Variants in GRM7 observed in about 807,000 individuals in gnomAD.
The protein encoded by GRM7 is metabotropic glutamate receptor 7.
Under a neutral mutation model 84.5 loss-of-function variants are expected in GRM7, and 35 were observed. The observed-to-expected ratio is 0.41, with a 90% CI of 0.32 to 0.55. The LOEUF is 0.55. GRM7 is among the 20% of genes least tolerant of loss of function. GRM7 has a pLI of 0.19. For missense variants in GRM7, 1,003 were observed against 1,194.6 expected (o/e 0.84, Z 2.36); for synonymous variants, 487 against 455.1 (o/e 1.07, Z -0.89).
chr3:7,599,682 G>A (rs577887652), intron 8 of GRM7, among the ~76,000 whole-genome samples: 2 of 152,118 alleles, frequency 1.3e-5, no homozygotes, highest in East Asian at 3.9e-4. Flanking sequence ...TATTACGGAG[G>A]GGGGATTGTC....
intron 1 of GRM7, among the ~76,000 whole-genome samples, chr3:7,039,025 T>C (rs975630665): frequency 6.6e-6 from 1 of 152,168 alleles, no homozygotes; most frequent in Admixed American, 6.5e-5. Context: ...TGGAACCCTA[T>C]GGTTCAATAA....
At chr3:7,163,717 T>G (rs892203979) in intron 2 of GRM7, among the ~76,000 whole-genome samples, 9 of 152,190 alleles carry the variant, frequency 5.9e-5, no homozygotes, top group Non-Finnish European at 1.0e-4. Flanking sequence ...CTGAACTATG[T>G]GAAGAACTGG....
intron 2 of GRM7, among the ~76,000 whole-genome samples, chr3:7,159,265 A>T (rs1694548452): frequency 6.6e-6 from 1 of 152,218 alleles, no homozygotes; most frequent in African/African-American, 2.4e-5. Flanking sequence ...AACGTGAAAT[A>T]CAATAAAACA....
At chr3:7,430,687 T>C (rs768565011) in intron 5 of GRM7, among the ~76,000 whole-genome samples, 1 of 152,144 alleles carries the variant, frequency 6.6e-6, no homozygotes, top group African/African-American at 2.4e-5. Flanking sequence ...AATAGCCCAG[T>C]TGGGGGGACA....
At chr3:7,394,685 A>C (rs1221370996) in intron 4 of GRM7, among the ~76,000 whole-genome samples, 1 of 151,988 alleles carries the variant, frequency 6.6e-6, no homozygotes, top group Non-Finnish European at 1.5e-5. Flanking sequence ...ATTTTTCAGC[A>C]ACTTCGTATT....
In GRM7 at chr3:7,448,978, G is replaced by A. The variant is rs923402340; in HGVS notation, c.1175-3629G>A. 1.1e-3 allele frequency among the ~76,000 whole-genome samples: 170 copies of A among 151,678 alleles called. 1 individual carries two copies. Among genetic ancestry groups the A allele is most frequent in the Admixed American group, 3.1e-3 (47 of 15,232 alleles). ...CTTTTCTAAGTTCTATAAAAAATAA[G>A]AGAAATTTATAAAGTAGCAGGTTAT... On this transcript the variant is annotated intron_variant, in intron 5 of 9. Transcript: ENST00000357716.
intron 2 of GRM7, among the ~76,000 whole-genome samples, chr3:7,294,539 C>G (rs1699748050): frequency 6.8e-6 from 1 of 147,746 alleles, no homozygotes; most frequent in Non-Finnish European, 1.5e-5. Context: ...TTCCTTTTCT[C>G]TATGCCACCT....
chr3:7,197,356 C>A (rs748578268), intron 2 of GRM7, among the ~76,000 whole-genome samples: 2 of 152,182 alleles, frequency 1.3e-5, no homozygotes, highest in Admixed American at 1.3e-4. Flanking sequence ...TTAAAGACAT[C>A]TTTTATCCTC....
chr3:7,689,054 G>C (rs1004282031), intron 9 of GRM7, among the ~76,000 whole-genome samples: 3 of 152,150 alleles, frequency 2.0e-5, no homozygotes, highest in Non-Finnish European at 4.4e-5. Context: ...AATGCAATTA[G>C]GTACAAAATA....
At chr3:7,594,207 T>C (rs1167572532) in intron 8 of GRM7, among the ~76,000 whole-genome samples, 8 of 152,176 alleles carry the variant, frequency 5.3e-5, no homozygotes, top group Non-Finnish European at 1.2e-4. Context: ...ATTAGCCTCC[T>C]AGGCTTTTTA....
chr3:7,285,713 G>T (rs559189158), intron 2 of GRM7, among the ~76,000 whole-genome samples: 2 of 152,090 alleles, frequency 1.3e-5, no homozygotes, highest in Admixed American at 1.3e-4. Context: ...CCTCTTGGTG[G>T]CACTGTGATG....
chr3:6,883,615 A>C (rs1038760514), intron 1 of GRM7, among the ~76,000 whole-genome samples: 2 of 152,202 alleles, frequency 1.3e-5, no homozygotes, highest in Non-Finnish European at 2.9e-5. Context: ...ACTCCATTGA[A>C]TATTGCCTTA....
intron 1 of GRM7, among the ~76,000 whole-genome samples, chr3:6,963,517 T>C (rs1378001505): frequency 2.0e-5 from 3 of 152,084 alleles, no homozygotes; most frequent in African/African-American, 4.8e-5. Context: ...CCCAGCAACT[T>C]TGGGGGCTGA....
intron 1 of GRM7, among the ~76,000 whole-genome samples, chr3:6,949,730 T>A (rs569236613): frequency 2.0e-5 from 3 of 152,314 alleles, no homozygotes; most frequent in Middle Eastern, 6.8e-3. Flanking sequence ...CATAGTCCCA[T>A]ATTTCTTGGA....
chr3:7,178,303 AT>A (rs1451718984), intron 2 of GRM7, among the ~76,000 whole-genome samples: 5 of 152,012 alleles, frequency 3.3e-5, no homozygotes, highest in African/African-American at 1.2e-4. Flanking sequence ...GGTCTTTTTC[AT>A]TGCCTTGTTT....
intron 4 of GRM7, among the ~76,000 whole-genome samples, chr3:7,365,790 T>G (rs1693864974): frequency 6.6e-6 from 1 of 151,128 alleles, no homozygotes; most frequent in Admixed American, 6.6e-5. Flanking sequence ...TATAGCTTCT[T>G]TCACACTTGC....
intron 9 of GRM7, among the ~76,000 whole-genome samples, chr3:7,696,699 A>AT (rs1438518279): frequency 6.6e-6 from 1 of 152,174 alleles, no homozygotes; most frequent in Non-Finnish European, 1.5e-5. Context: ...TTTTCTGTGC[A>AT]TGGTTAGCCC....
intron 1 of GRM7, among the ~76,000 whole-genome samples, chr3:7,060,659 A>G (rs1697406641): frequency 6.6e-6 from 1 of 151,762 alleles, no homozygotes; most frequent in Non-Finnish European, 1.5e-5. Context: ...TAATATAGCT[A>G]CCAACATTAT....
chr3:7,196,057 G>A (rs1220703184), intron 2 of GRM7, among the ~76,000 whole-genome samples: 1 of 151,950 alleles, frequency 6.6e-6, no homozygotes, highest in Non-Finnish European at 1.5e-5. Context: ...CACCTACAGA[G>A]AAAAAGATAT....
Sources: gnomAD v4.1 joint callset for allele counts (sites outside exome capture counted in the v4.1 genomes callset) on GRCh38, gnomAD v4.1.1 for gene constraint, MANE v1.5 for transcripts, NCBI Gene and HGNC (gene_info 2026-07-23, HGNC 2026-07-21) for gene names.